DGKB: variants seen among roughly 807,000 people sequenced by gnomAD.
The protein encoded by DGKB is diacylglycerol kinase beta, also known as 90 kDa diacylglycerol kinase.
In DGKB, 67 loss-of-function variants were observed where a neutral mutation model predicts 114.3. The observed-to-expected ratio is 0.59, with a 90% CI of 0.48 to 0.72. DGKB has a LOEUF of 0.72. DGKB is among the 30% of genes least tolerant of loss of function. The probability of loss-of-function intolerance (pLI) is 0.00; values close to 1 mark genes in which losing one functional copy is unlikely to be tolerated. For missense variants in DGKB, 907 were observed against 975.2 expected (o/e 0.93, Z 0.93); for synonymous variants, 398 against 323.1 (o/e 1.23, Z -2.49).
intron 25 of DGKB, among the ~76,000 whole-genome samples, chr7:14,173,266 C>G (rs1342091510): frequency 6.6e-6 from 1 of 152,062 alleles, no homozygotes; most frequent in Non-Finnish European, 1.5e-5. Context: ...GATCTTTGAA[C>G]TCAATATTGG....
At chr7:14,649,519 C>T (rs904254524) in intron 13 of DGKB, among the ~76,000 whole-genome samples, 10 of 151,986 alleles carry the variant, frequency 6.6e-5, no homozygotes, top group South Asian at 2.1e-4. Flanking sequence ...AAGGAACAAC[C>T]GGTACCAGTT....
At chr7:14,536,568 A>T (rs1792531452) in intron 20 of DGKB, among the ~76,000 whole-genome samples, 1 of 152,226 alleles carries the variant, frequency 6.6e-6, no homozygotes, top group Non-Finnish European at 1.5e-5. Context: ...GAATAACCAC[A>T]AAACAATCTC....
intron 17 of DGKB, among the ~76,000 whole-genome samples, chr7:14,601,841 C>T (rs1803595940): frequency 6.6e-6 from 1 of 152,150 alleles, no homozygotes; most frequent in Non-Finnish European, 1.5e-5. Context: ...AATGGCCTTT[C>T]TTATCCATAT....
intron 19 of DGKB, among the ~76,000 whole-genome samples, chr7:14,575,071 G>C (rs1798929400): frequency 6.6e-6 from 1 of 152,150 alleles, no homozygotes; most frequent in South Asian, 2.1e-4. Context: ...GCTGCAGTGA[G>C]CTATGATTGC....
At chr7:14,261,757 TA>T (rs1165890875) in intron 23 of DGKB, among the ~76,000 whole-genome samples, 1 of 152,214 alleles carries the variant, frequency 6.6e-6, no homozygotes, top group Non-Finnish European at 1.5e-5. Context: ...AATCTGGTGA[TA>T]TTTTTGAATT....
At chr7:14,761,229 C>T (rs1835648878) in intron 2 of DGKB, among the ~76,000 whole-genome samples, 1 of 152,054 alleles carries the variant, frequency 6.6e-6, no homozygotes, top group Non-Finnish European at 1.5e-5. Context: ...AGGCTGAGGC[C>T]CTGATTTGAC....
chr7:14,706,549 T>G (rs1341062537), intron 6 of DGKB, among the ~76,000 whole-genome samples: 1 of 140,068 alleles, frequency 7.1e-6, no homozygotes, highest in Non-Finnish European at 1.5e-5. Context: ...ATTCCAAAAT[T>G]GACCACATAC....
chr7:14,844,868 A>G (rs1356281817), intron 1 of DGKB, among the ~76,000 whole-genome samples: 2 of 152,268 alleles, frequency 1.3e-5, no homozygotes, highest in African/African-American at 4.8e-5. Context: ...GCACTTTGGG[A>G]GGCCAAGGTG....
intron 25 of DGKB, among the ~76,000 whole-genome samples, chr7:14,149,592 T>A (rs1481517244): frequency 6.6e-6 from 1 of 152,114 alleles, no homozygotes; most frequent in Non-Finnish European, 1.5e-5. Flanking sequence ...TACGTATCAT[T>A]TATTGAAGTC....
intron 14 of DGKB, among the ~76,000 whole-genome samples, chr7:14,629,402 T>C (rs1809261994): frequency 6.6e-6 from 1 of 152,034 alleles, no homozygotes; most frequent in South Asian, 2.1e-4. Flanking sequence ...AGGTCTACAC[T>C]GATTAAAAAG....
At chr7:14,906,995 A>C (rs1030523801), upstream of DGKB, among the ~76,000 whole-genome samples, 6 of 152,228 alleles carry the variant, frequency 3.9e-5, no homozygotes, top group African/African-American at 1.4e-4. Context: ...AAATTGCTCA[A>C]TAATTTAAAT....
intron 23 of DGKB, among the ~76,000 whole-genome samples, chr7:14,185,861 ATCAAT>A (rs1178128269): frequency 2.1e-4 from 32 of 152,198 alleles, no homozygotes; most frequent in Non-Finnish European, 4.1e-4. Context: ...TTATACAAAA[ATCAAT>A]TCAAGATGGA....
chr7:14,802,974 C>G (rs183582120), intron 2 of DGKB, among the ~76,000 whole-genome samples: 1 of 151,990 alleles, frequency 6.6e-6, no homozygotes, highest in Non-Finnish European at 1.5e-5. Context: ...TATTAGAAAA[C>G]GATAGTGCTG....
At chr7:14,649,542 T>C (rs1015830239) in intron 13 of DGKB, among the ~76,000 whole-genome samples, 60 of 152,110 alleles carry the variant, frequency 3.9e-4, no homozygotes, top group African/African-American at 1.3e-3. Flanking sequence ...TGCAAAATCA[T>C]GACAAAATGT....
At position 14,685,338 on chromosome 7, in the gene DGKB, C is replaced by A. The variant is rs751564836; in HGVS notation, c.736G>T (p.Val246Leu). The A allele has an allele frequency of 6.2e-7, 1 of 1,613,632 alleles. No individual in the cohort carries two copies. Among genetic ancestry groups the A allele is most frequent in the Admixed American group, 1.7e-5 (1 of 60,018 alleles). The change falls in exon 10 of 26, where the codon GTG (valine) becomes TTG (leucine). Residue 246 changes from valine to leucine, a missense_variant. Val to Leu is a conservative substitution (Grantham distance 32). This residue lies in a region of DGKB where 814 missense variants were observed against 856.6 expected (regional missense o/e 0.95). Coordinates refer to ENST00000402815, the MANE Select transcript of DGKB (RefSeq NM_001350709.2). The part of the protein sequence containing the change: ...ENNVKDDGQH[V>L]WRLKHFNKPA... ...TTGTTAAAGTGCTTCAGTCGCCACA[C>A]GTGCTGTCCATCATCCTTCACGTTC...
chr7:14,483,382 G>A (rs1022764055), intron 20 of DGKB, among the ~76,000 whole-genome samples: 3 of 152,166 alleles, frequency 2.0e-5, no homozygotes, highest in African/African-American at 7.2e-5. Flanking sequence ...ATGATACTAA[G>A]TGTCATCTGT....
intron 21 of DGKB, among the ~76,000 whole-genome samples, chr7:14,352,700 G>A (rs894055143): frequency 2.2e-4 from 33 of 152,142 alleles, no homozygotes; most frequent in African/African-American, 7.5e-4. Context: ...AGAGGTAGGC[G>A]GATCACGAGG....
At chr7:14,493,785 A>C (rs1247930737) in intron 20 of DGKB, among the ~76,000 whole-genome samples, 1 of 152,036 alleles carries the variant, frequency 6.6e-6, no homozygotes, top group Non-Finnish European at 1.5e-5. Context: ...GACTGCAGTA[A>C]CTGAAACCGT....
chr7:14,521,318 CT>C (rs573256726), intron 20 of DGKB, among the ~76,000 whole-genome samples: 64 of 152,224 alleles, frequency 4.2e-4, no homozygotes, highest in African/African-American at 1.5e-3. Context: ...AAACAACTCA[CT>C]ATTCAAAAAA....
Sources: allele counts gnomAD v4.1 joint callset (sites outside exome capture counted in the v4.1 genomes callset), GRCh38; gene constraint gnomAD v4.1.1; regional missense constraint gnomAD v4.1.1; transcripts MANE v1.5; gene names NCBI Gene and HGNC (gene_info 2026-07-23, HGNC 2026-07-21).